Variants in TULP4 observed in about 807,000 individuals in gnomAD.
TULP4 encodes the protein TUB like protein 4.
In TULP4, 16 loss-of-function variants were observed where a neutral mutation model predicts 129.0. That is an observed-to-expected ratio of 0.12 (90% CI 0.08 to 0.19). The LOEUF (loss-of-function observed/expected upper bound fraction) is 0.19, where lower values mean the gene tolerates loss of function less well. Among genes scored for constraint, TULP4 ranks in the 10% least tolerant of loss-of-function variants. TULP4 has a pLI of 1.00. For missense variants in TULP4, 1,842 were observed against 2,059.1 expected, an observed-to-expected ratio of 0.89 and a Z score of 2.04; for synonymous variants, 998 against 854.0, an observed-to-expected ratio of 1.17 and a Z score of -2.94.
chr6:158,448,444 C>T (rs1243672102), intron 3 of TULP4, among the ~76,000 whole-genome samples: 1 of 152,178 alleles, frequency 6.6e-6, no homozygotes, highest in Non-Finnish European at 1.5e-5. Flanking sequence ...TACATTAATA[C>T]TATTATTATT....
chr6:158,261,058 A>G (rs933414948), intron 1 of TULP4, among the ~76,000 whole-genome samples: 2 of 151,978 alleles, frequency 1.3e-5, no homozygotes, highest in African/African-American at 4.8e-5. Flanking sequence ...ACCTCAGGTG[A>G]TCCGCCCGCT....
chr6:158,504,466 C>A (rs373667714), intron 13 of TULP4, among the ~76,000 whole-genome samples: 4 of 151,906 alleles, frequency 2.6e-5, no homozygotes, highest in African/African-American at 9.7e-5. Flanking sequence ...CCCGCCTCAG[C>A]CTCCCGAGTA....
At chr6:158,305,897 A>T (rs1779210602) in intron 1 of TULP4, among the ~76,000 whole-genome samples, 1 of 152,108 alleles carries the variant, frequency 6.6e-6, no homozygotes, top group Non-Finnish European at 1.5e-5. Flanking sequence ...TTGGAAACTT[A>T]ATCAGTTTAG....
At chr6:158,459,891 C>G (rs1264545060) in intron 5 of TULP4, among the ~76,000 whole-genome samples, 1 of 152,148 alleles carries the variant, frequency 6.6e-6, no homozygotes, top group African/African-American at 2.4e-5. Flanking sequence ...GCAGGCTTTT[C>G]CCTGAGATAG....
At chr6:158,252,431 A>G (rs766900978) in intron 1 of TULP4, among the ~76,000 whole-genome samples, 8 of 151,152 alleles carry the variant, frequency 5.3e-5, no homozygotes, top group Admixed American at 1.3e-4. Flanking sequence ...GCTGGAGTGC[A>G]GTGGTATGAT....
At chr6:158,429,255 C>T (rs564992644) in intron 2 of TULP4, among the ~76,000 whole-genome samples, 1 of 152,370 alleles carries the variant, frequency 6.6e-6, no homozygotes, top group South Asian at 2.1e-4. Context: ...TCTCTCACCT[C>T]TGCCTCCCAA....
At chr6:158,240,358 C>T (rs1463391285) in intron 1 of TULP4, among the ~76,000 whole-genome samples, 1 of 80,794 alleles carries the variant, frequency 1.2e-5, no homozygotes, top group South Asian at 4.2e-4. Flanking sequence ...ACTCCCCCAC[C>T]TCCCTCCCGG....
At chr6:158,475,651 A>G (rs1275256456) in intron 6 of TULP4, among the ~76,000 whole-genome samples, 1 of 152,118 alleles carries the variant, frequency 6.6e-6, no homozygotes, top group Non-Finnish European at 1.5e-5. Context: ...AGCATGGGTG[A>G]GGTCTGTGGG....
Position 158,241,594 on chromosome 6 carries a change from G to A in TULP4, n.68+9291G>A, listed in dbSNP as rs552031674. The stretch of plus-strand genomic sequence containing the variant: ...CCGTCTCCACCAAAACCAGTCAGGC[G>A]TGAAATTGTTTTTTTTTTGAGATGG... On this transcript the variant is annotated intron_variant and non_coding_transcript_variant, in intron 1 of 1. Coordinates refer to the TULP4 transcript ENST00000620026. Among the ~76,000 whole-genome samples the A allele has an allele frequency of 5.3e-5, 8 of 151,736 alleles. No individual in the cohort carries two copies. In the East Asian group the frequency reaches 5.9e-4, roughly 11 times the overall value.
At position 158,314,214 on chromosome 6, in the gene TULP4, G is replaced by T; in HGVS notation, c.198G>T (p.Arg66Ser). Residue 66 changes from arginine to serine, a missense_variant, in exon 1 of 14, where the codon AGG becomes AGT. This residue lies in a region of TULP4 where 151 missense variants were observed against 268.7 expected (regional missense o/e 0.56). Coordinates refer to ENST00000367097, the MANE Select transcript of TULP4 (RefSeq NM_020245.5). ...GVTFTSSHCRRDRSTPQRINF... is the reference protein window; with the variant it reads ...GVTFTSSHCRSDRSTPQRINF... The stretch of plus-strand genomic sequence containing the variant: ...CTTTCACCTCTAGTCACTGTCGCAG[G>T]GACAGGAGTACTCCACAGAGGATAA... 6.2e-7 allele frequency: 1 copy of T among 1,614,154 alleles called. No individual in the cohort carries two copies. The highest frequency in any genetic ancestry group is 1.1e-5 in the South Asian group (1 of 91,084).
At chr6:158,438,565 CAGTTTGTT>C (rs578005076) in intron 3 of TULP4, among the ~76,000 whole-genome samples, 1,261 of 122,636 alleles carry the variant, frequency 0.01, 20 homozygotes, top group African/African-American at 0.031. Flanking sequence ...AAAAACACCA[CAGTTTGTT>C]TGTTTGTTTG....
chr6:158,264,623 GCCTACTTTCAAAGGAC>G (rs1778417188), intron 1 of TULP4, among the ~76,000 whole-genome samples: 1 of 152,070 alleles, frequency 6.6e-6, no homozygotes, highest in Non-Finnish European at 1.5e-5. Flanking sequence ...CTACTAGATT[GCCTACTTTCAAAGGAC>G]TAGGAAACAT....
At chr6:158,282,714 AATAAC>A (rs1778775467) in intron 1 of TULP4, 1 of 152,066 alleles carries the variant, frequency 6.6e-6, no homozygotes. Flanking sequence ...TGTTAATTGT[AATAAC>A]ACCTGTGTAA....
chr6:158,308,904 C>A (rs1189302585), upstream of TULP4, among the ~76,000 whole-genome samples: 1 of 112,974 alleles, frequency 8.9e-6, no homozygotes, highest in Non-Finnish European at 1.9e-5. Context: ...CCACCTCCCT[C>A]CCGGACGGGG....
At position 158,502,885 on chromosome 6, in the gene TULP4, C is replaced by T. The variant is rs761007218; in HGVS notation, c.3222C>T (p.Pro1074=). The T allele has an allele frequency of 4.4e-5, 71 of 1,613,824 alleles. No homozygotes were observed. In the Middle Eastern group the frequency reaches 4.9e-4, roughly 11 times the overall value. ...SQSSYSLLSP[P]DSARDRTDYV... Reference sequence around the variant, plus strand: ...CCTCCTACAGCCTCCTGAGCCCACCCGACAGCGCCCGCGACCGCACCGACT... The same window carrying T: ...CCTCCTACAGCCTCCTGAGCCCACCTGACAGCGCCCGCGACCGCACCGACT... The change falls in exon 13 of 14, where the codon CCC becomes CCT. Residue 1074 remains proline, a synonymous_variant. Coordinates refer to ENST00000367097, the MANE Select transcript of TULP4 (RefSeq NM_020245.5).
At chr6:158,366,990 G>T (rs1198287362) in intron 1 of TULP4, among the ~76,000 whole-genome samples, 1 of 152,124 alleles carries the variant, frequency 6.6e-6, no homozygotes, top group East Asian at 1.9e-4. Flanking sequence ...GGCCTCTGCA[G>T]AAGCTTTTCC....
chr6:158,388,496 A>AT (rs1471788869), intron 1 of TULP4, among the ~76,000 whole-genome samples: 3 of 151,398 alleles, frequency 2.0e-5, no homozygotes, highest in Non-Finnish European at 4.4e-5. Flanking sequence ...CGCCCGGCTA[A>AT]TTTTTTGTAG....
chr6:158,407,542 CA>C (rs372326057), intron 1 of TULP4, among the ~76,000 whole-genome samples: 7 of 145,772 alleles, frequency 4.8e-5, no homozygotes, highest in Non-Finnish European at 7.6e-5. Context: ...CATGTTTATA[CA>C]AAAAAAAAAC....
intron 3 of TULP4, among the ~76,000 whole-genome samples, chr6:158,438,341 C>CAA (rs1778796400): frequency 6.8e-6 from 1 of 146,712 alleles, no homozygotes; most frequent in African/African-American, 2.4e-5. Context: ...GTGCCATTAT[C>CAA]ACACCTCATC....
Sources: allele counts gnomAD v4.1 joint callset (sites outside exome capture counted in the v4.1 genomes callset), GRCh38; gene constraint gnomAD v4.1.1; regional missense constraint gnomAD v4.1.1; transcripts MANE v1.5; gene names NCBI Gene and HGNC (gene_info 2026-07-23, HGNC 2026-07-21).